Variants in CTNNA3 observed in about 807,000 individuals in gnomAD.
The protein encoded by CTNNA3 is catenin alpha-3.
In CTNNA3, 76 loss-of-function variants were observed where a neutral mutation model predicts 95.7. The ratio of observed to expected loss-of-function variants is 0.79; its 90% CI spans 0.66 to 0.96. The LOEUF (loss-of-function observed/expected upper bound fraction) is 0.96. Among genes scored for constraint, CTNNA3 ranks in the 40% least tolerant of loss-of-function variants. CTNNA3 has a pLI of 0.00. For synonymous variants in CTNNA3, 431 were observed against 374.4 expected (o/e 1.15, Z -1.74); for missense variants, 1,191 against 1,089.8 (o/e 1.09, Z -1.31).
chr10:66,943,880 A>G (rs1848149955), intron 7 of CTNNA3, among the ~76,000 whole-genome samples: 1 of 152,220 alleles, frequency 6.6e-6, no homozygotes, highest in Non-Finnish European at 1.5e-5. Flanking sequence ...CAATGTGCTT[A>G]TAATTTAAAA....
At chr10:67,740,534 T>C (rs1026788805) in intron 1 of CTNNA3, among the ~76,000 whole-genome samples, 4 of 151,440 alleles carry the variant, frequency 2.6e-5, no homozygotes, top group South Asian at 2.1e-4. Context: ...AAGACATTTA[T>C]GCGGCCAAAA....
At chr10:66,642,507 CAAT>C (rs1845556114) in intron 9 of CTNNA3, among the ~76,000 whole-genome samples, 2 of 152,082 alleles carry the variant, frequency 1.3e-5, no homozygotes, top group Non-Finnish European at 2.9e-5. Context: ...CAATTTGATA[CAAT>C]GTGTTTAACC....
intron 17 of CTNNA3, among the ~76,000 whole-genome samples, chr10:65,959,875 T>G (rs1443052722): frequency 6.6e-6 from 1 of 152,170 alleles, no homozygotes; most frequent in Non-Finnish European, 1.5e-5. Context: ...TTCATTTCCA[T>G]GTGAACTGAA....
At chr10:67,184,813 T>C (rs1341590356) in intron 6 of CTNNA3, among the ~76,000 whole-genome samples, 3 of 152,194 alleles carry the variant, frequency 2.0e-5, no homozygotes, top group African/African-American at 7.2e-5. Flanking sequence ...TGTTTGTTCT[T>C]GCTTCATTTT....
At chr10:67,554,624 G>C (rs1229158720) in intron 3 of CTNNA3, among the ~76,000 whole-genome samples, 1 of 152,086 alleles carries the variant, frequency 6.6e-6, no homozygotes, top group Non-Finnish European at 1.5e-5. Flanking sequence ...TTGTAAATTT[G>C]TTTAAGTTCT....
In CTNNA3 at chr10:67,661,717, C is replaced by CA. The variant is rs996546399; in HGVS notation, c.-5-14200dup. ...AAAACAACTCAACTCTTTAAATGGG[C>CA]AAAAAAAAAATTGAAAAGACATCTT... On this transcript the variant is annotated intron_variant, in intron 1 of 17. Coordinates refer to ENST00000433211, the MANE Select transcript of CTNNA3 (RefSeq NM_013266.4). Among the ~76,000 whole-genome samples, 103 of 146,060 alleles carry CA rather than the reference C, an allele frequency of 7.1e-4. No homozygotes were observed. The South Asian group carries it at 9.6e-3, about 14-fold the overall frequency.
At chr10:66,194,332 C>A (rs1286014773) in intron 13 of CTNNA3, among the ~76,000 whole-genome samples, 2 of 152,174 alleles carry the variant, frequency 1.3e-5, no homozygotes, top group Non-Finnish European at 2.9e-5. Context: ...GTAATCCCAG[C>A]ACTTTGGGCG....
intron 2 of CTNNA3, among the ~76,000 whole-genome samples, chr10:67,621,524 C>T (rs1183487123): frequency 3.9e-5 from 6 of 151,936 alleles, no homozygotes; most frequent in South Asian, 2.1e-4. Context: ...CTGAGGCAGA[C>T]GGATCACGAG....
intron 11 of CTNNA3, among the ~76,000 whole-genome samples, chr10:66,510,510 A>G (rs1196565352): frequency 6.6e-6 from 1 of 151,892 alleles, no homozygotes; most frequent in Non-Finnish European, 1.5e-5. Flanking sequence ...TTCTTCATTC[A>G]GTATAATGTT....
At chr10:66,123,684 C>G (rs1464244821) in intron 13 of CTNNA3, among the ~76,000 whole-genome samples, 1 of 152,192 alleles carries the variant, frequency 6.6e-6, no homozygotes, top group East Asian at 1.9e-4. Context: ...TCCATATATC[C>G]TCTGAAATCT....
chr10:67,420,186 AC>A (rs1346297868), intron 5 of CTNNA3, among the ~76,000 whole-genome samples: 4 of 152,234 alleles, frequency 2.6e-5, no homozygotes, highest in African/African-American at 4.8e-5. Context: ...AATGAAAAAA[AC>A]ATTTAAATCT....
intron 5 of CTNNA3, among the ~76,000 whole-genome samples, chr10:67,223,940 C>G (rs973856232): frequency 4.6e-5 from 7 of 152,080 alleles, no homozygotes; most frequent in Admixed American, 1.3e-4. Context: ...ATCTTTTTTC[C>G]AGCTTTATTG....
At chr10:66,113,731 C>A (rs1001437383) in intron 13 of CTNNA3, among the ~76,000 whole-genome samples, 1 of 152,156 alleles carries the variant, frequency 6.6e-6, no homozygotes, top group Non-Finnish European at 1.5e-5. Context: ...GTATTGTCAG[C>A]ATATCCTTTA....
At position 66,592,765 on chromosome 10, in the gene CTNNA3, G is replaced by A. The variant is rs374262899; in HGVS notation, c.1374+28927C>T. ...GATACAGAAAGCAATAGCAGCCACTGGATGACTTTATGTCAAGGTTTGGCA... is the reference window on the plus strand; with the variant it reads ...GATACAGAAAGCAATAGCAGCCACTAGATGACTTTATGTCAAGGTTTGGCA... On this transcript the variant is annotated intron_variant, in intron 10 of 17. Transcript: ENST00000433211. Among the ~76,000 whole-genome samples, 24 of 152,222 alleles carry A rather than the reference G, an allele frequency of 1.6e-4. No individual in the cohort carries two copies. In the East Asian group the frequency reaches 4.4e-3, roughly 28 times the overall value.
rs572999494 is a variant in CTNNA3 at position 66,723,668 on chromosome 10, A to G, written c.1281+42596T>C. Among the ~76,000 whole-genome samples the G allele has an allele frequency of 7.8e-3, 1,184 of 152,320 alleles. 4 individuals are homozygous for G. The highest frequency in any genetic ancestry group is 0.013 in the Non-Finnish European group (876 of 68,030). The stretch of plus-strand genomic sequence containing the variant: ...TACCAGAAAACAACAGCATCAGTTA[A>G]TAGCCTGTGTTGTCTCTTAACTGCC... On this transcript the variant is annotated intron_variant, in intron 9 of 17. Transcript: ENST00000433211.
At chr10:67,162,111 A>G in intron 7 of CTNNA3, among the ~76,000 whole-genome samples, 1 of 152,070 alleles carries the variant, frequency 6.6e-6, no homozygotes, top group Non-Finnish European at 1.5e-5. Context: ...CTCAACAATT[A>G]TAAGAACAAC....
At chr10:66,755,566 A>T (rs1044360567) in intron 9 of CTNNA3, among the ~76,000 whole-genome samples, 1 of 152,150 alleles carries the variant, frequency 6.6e-6, no homozygotes, top group Non-Finnish European at 1.5e-5. Context: ...ACACACACAA[A>T]AATTATCAAT....
chr10:66,215,012 T>C (rs532195443), intron 13 of CTNNA3, among the ~76,000 whole-genome samples: 12 of 152,142 alleles, frequency 7.9e-5, no homozygotes, highest in African/African-American at 2.9e-4. Flanking sequence ...CATAGATAGA[T>C]AGATATGCAG....
chr10:66,732,788 G>A (rs969352325), intron 9 of CTNNA3, among the ~76,000 whole-genome samples: 2 of 151,824 alleles, frequency 1.3e-5, no homozygotes, highest in Non-Finnish European at 2.9e-5. Flanking sequence ...CCTAAACAAA[G>A]TCATACCTTT....
Sources: gnomAD v4.1 joint callset for allele counts (sites outside exome capture counted in the v4.1 genomes callset) on GRCh38, gnomAD v4.1.1 for gene constraint, MANE v1.5 for transcripts, NCBI Gene and HGNC (gene_info 2026-07-23, HGNC 2026-07-21) for gene names.